HMGN3: variants seen among roughly 807,000 people sequenced by gnomAD.
HMGN3 encodes high mobility group nucleosomal binding domain 3.
Under a neutral mutation model 18.8 loss-of-function variants are expected in HMGN3, and 6 were observed. The observed-to-expected ratio is 0.32, with a 90% CI of 0.18 to 0.63. HMGN3 has a LOEUF of 0.63. Ranked by LOEUF, HMGN3 falls within the 30% of genes least tolerant of loss-of-function variation. The pLI is 0.79. For missense variants in HMGN3, 107 were observed against 114.2 expected, an observed-to-expected ratio of 0.94 and a Z score of 0.29; for synonymous variants, 40 against 36.5, an observed-to-expected ratio of 1.10 and a Z score of -0.35.
chr6:79,209,950 G>A (rs1035564282), intron 2 of HMGN3, among the ~76,000 whole-genome samples: 1 of 152,208 alleles, frequency 6.6e-6, no homozygotes, highest in African/African-American at 2.4e-5. Flanking sequence ...ATGAAAGGCT[G>A]TGCAGGTTAA....
At chr6:79,211,423 T>C (rs1333733392) in intron 2 of HMGN3, among the ~76,000 whole-genome samples, 1 of 151,562 alleles carries the variant, frequency 6.6e-6, no homozygotes, top group Non-Finnish European at 1.5e-5. Flanking sequence ...GATTGTTGGG[T>C]GGGACTACGA....
intron 3 of HMGN3, among the ~76,000 whole-genome samples, chr6:79,205,605 T>C (rs1405877781): frequency 6.6e-6 from 1 of 152,236 alleles, no homozygotes; most frequent in East Asian, 1.9e-4. Context: ...CAGTCTTGGG[T>C]ATGTCTTTAT....
intron 3 of HMGN3, among the ~76,000 whole-genome samples, chr6:79,205,126 T>C (rs960398778): frequency 6.6e-6 from 1 of 152,222 alleles, no homozygotes; most frequent in Non-Finnish European, 1.5e-5. Flanking sequence ...GGTGCTTATA[T>C]TGCTGGTTTC....
intron 1 of HMGN3, among the ~76,000 whole-genome samples, chr6:79,224,127 A>C (rs1562000676): frequency 6.6e-6 from 1 of 152,206 alleles, no homozygotes; most frequent in African/African-American, 2.4e-5. Context: ...CCATTTTATT[A>C]ACTAGGAATT....
chr6:79,220,028 A>T (rs1326060203), intron 1 of HMGN3, among the ~76,000 whole-genome samples: 3 of 152,238 alleles, frequency 2.0e-5, no homozygotes, highest in Non-Finnish European at 4.4e-5. Flanking sequence ...TAATAAACTC[A>T]TGCAGCTAAT....
At chr6:79,231,642 G>T (rs1777838892) in intron 1 of HMGN3, among the ~76,000 whole-genome samples, 1 of 152,174 alleles carries the variant, frequency 6.6e-6, no homozygotes. Flanking sequence ...TAGCCCTGAA[G>T]TTGCAAAACT....
intron 3 of HMGN3, among the ~76,000 whole-genome samples, chr6:79,206,594 G>A (rs1341264311): frequency 6.6e-6 from 1 of 152,250 alleles, no homozygotes; most frequent in Non-Finnish European, 1.5e-5. Flanking sequence ...AGACGTTGTT[G>A]CAGAGGCAGG....
At chr6:79,201,787 A>G in intron 5 of HMGN3, 61 bp from the exon 7 acceptor site, 2 of 1,581,656 alleles carry the variant, frequency 1.3e-6, no homozygotes, top group Non-Finnish European at 1.7e-6. Flanking sequence ...TAAGCAAAGG[A>G]AATTCCACCC....
chr6:79,229,643 C>T (rs1263396474), intron 1 of HMGN3, among the ~76,000 whole-genome samples: 5 of 152,072 alleles, frequency 3.3e-5, no homozygotes, highest in African/African-American at 9.7e-5. Flanking sequence ...TTTGGGAGGC[C>T]GAGACGGGCG....
chr6:79,212,763 A>G (rs891142803), intron 2 of HMGN3, among the ~76,000 whole-genome samples: 1 of 152,230 alleles, frequency 6.6e-6, no homozygotes, highest in African/African-American at 2.4e-5. Flanking sequence ...ACTGTTATCT[A>G]TTCACTAAAG....
At chr6:79,217,324 A>G (rs866460110) in intron 1 of HMGN3, among the ~76,000 whole-genome samples, 3 of 152,178 alleles carry the variant, frequency 2.0e-5, no homozygotes, top group Non-Finnish European at 4.4e-5. Flanking sequence ...TGAGCTCAAG[A>G]CACCTGGTTT....
At chr6:79,228,950 TGAA>T (rs1452357891) in intron 1 of HMGN3, among the ~76,000 whole-genome samples, 1 of 152,250 alleles carries the variant, frequency 6.6e-6, no homozygotes, top group East Asian at 1.9e-4. Context: ...TTTACATTTA[TGAA>T]GGAGCTTCAA....
exon 1 of HMGN3, chr6:79,234,606 TGCTG>T: frequency 6.2e-7 from 1 of 1,602,206 alleles, no homozygotes; most frequent in African/African-American, 1.3e-5. Context: ...GGACTGGAAC[TGCTG>T]GCGCCGCCGC....
chr6:79,202,926 C>G (rs1455127646), intron 4 of HMGN3, among the ~76,000 whole-genome samples: 1 of 152,150 alleles, frequency 6.6e-6, no homozygotes, highest in Non-Finnish European at 1.5e-5. Flanking sequence ...TCTGAAATCA[C>G]CTACTCATGC....
chr6:79,206,865 T>C (rs1776447620), intron 3 of HMGN3, among the ~76,000 whole-genome samples: 1 of 152,216 alleles, frequency 6.6e-6, no homozygotes, highest in Non-Finnish European at 1.5e-5. Context: ...CCCAAGACCA[T>C]GGAAACCCAC....
At chr6:79,210,496 C>T (rs930780874) in intron 2 of HMGN3, among the ~76,000 whole-genome samples, 7 of 152,184 alleles carry the variant, frequency 4.6e-5, no homozygotes, top group Admixed American at 2.0e-4. Flanking sequence ...TCATCTGACA[C>T]GTCTCCATAC....
chr6:79,222,051 C>CA (rs1427290462), intron 1 of HMGN3, among the ~76,000 whole-genome samples: 10 of 152,240 alleles, frequency 6.6e-5, no homozygotes, highest in Non-Finnish European at 1.0e-4. Context: ...TGAAGGCCTA[C>CA]AGTAATTATG....
At chr6:79,205,989 T>C (rs1303009361) in intron 3 of HMGN3, among the ~76,000 whole-genome samples, 3 of 152,284 alleles carry the variant, frequency 2.0e-5, no homozygotes, top group South Asian at 2.1e-4. Context: ...GTCTAGAGAT[T>C]TGTGGAACTT....
chr6:79,222,207 CA>C (rs2127832534), intron 1 of HMGN3, among the ~76,000 whole-genome samples: 1 of 152,192 alleles, frequency 6.6e-6, no homozygotes, highest in South Asian at 2.1e-4. Flanking sequence ...GAGTGTATTA[CA>C]TTGAGATAAT....
Sources: allele counts gnomAD v4.1 joint callset (sites outside exome capture counted in the v4.1 genomes callset), GRCh38; gene constraint gnomAD v4.1.1; transcripts MANE v1.5; gene names NCBI Gene and HGNC (gene_info 2026-07-23, HGNC 2026-07-21).